The following PLPP1 variants were observed in gnomAD, a reference collection of about 807,000 sequenced individuals.
The protein encoded by PLPP1 is lipid phosphate phosphohydrolase 1a.
Under a neutral mutation model 31.2 loss-of-function variants are expected in PLPP1, and 24 were observed. That is an observed-to-expected ratio of 0.77 (90% CI 0.56 to 1.08). The LOEUF (loss-of-function observed/expected upper bound fraction) is 1.08. PLPP1 is among the 50% of genes least tolerant of loss of function. The pLI is 0.00. For missense variants in PLPP1, 319 were observed against 342.7 expected, an observed-to-expected ratio of 0.93 and a Z score of 0.55; for synonymous variants, 146 against 126.3, an observed-to-expected ratio of 1.16 and a Z score of -1.05.
At chr5:55,530,693 T>C (rs1280471631) in intron 1 of PLPP1, 21 of 1,585,684 alleles carry the variant, frequency 1.3e-5, no homozygotes, top group Non-Finnish European at 1.8e-5. Context: ...GTTCAGGGCA[T>C]GCTCTCTCTT....
intron 1 of PLPP1, among the ~76,000 whole-genome samples, chr5:55,495,097 C>T (rs879787106): frequency 4.1e-5 from 6 of 147,266 alleles, no homozygotes; most frequent in Non-Finnish European, 8.9e-5. Context: ...CGCCATTGCA[C>T]TCCAGCCTGG....
At chr5:55,457,878 GACT>G (rs1752056023) in intron 3 of PLPP1, among the ~76,000 whole-genome samples, 1 of 120,588 alleles carries the variant, frequency 8.3e-6, no homozygotes, top group South Asian at 3.3e-4. Context: ...GACACAGCGA[GACT>G]CTGTCTCAAA....
intron 3 of PLPP1, among the ~76,000 whole-genome samples, chr5:55,445,551 T>A (rs1751743771): frequency 7.2e-6 from 1 of 138,858 alleles, no homozygotes; most frequent in African/African-American, 2.7e-5. Flanking sequence ...TTTTTTTTTT[T>A]TTTTTTTTTT....
intron 4 of PLPP1, among the ~76,000 whole-genome samples, chr5:55,438,506 A>G (rs926363135): frequency 6.6e-6 from 1 of 152,120 alleles, no homozygotes; most frequent in South Asian, 2.1e-4. Context: ...TTAAATGACT[A>G]CGTCTCTACC....
At chr5:55,492,376 T>C (rs1752913948) in intron 1 of PLPP1, among the ~76,000 whole-genome samples, 1 of 152,172 alleles carries the variant, frequency 6.6e-6, no homozygotes, top group East Asian at 1.9e-4. Flanking sequence ...CCACAACTCT[T>C]TTATTGCATG....
intron 1 of PLPP1, among the ~76,000 whole-genome samples, chr5:55,529,564 C>A (rs1319996876): frequency 6.6e-6 from 1 of 152,062 alleles, no homozygotes; most frequent in Non-Finnish European, 1.5e-5. Flanking sequence ...AAGAAAATAT[C>A]TTTACAACAA....
At chr5:55,431,901 A>G (rs1751361961) in intron 4 of PLPP1, among the ~76,000 whole-genome samples, 2 of 152,144 alleles carry the variant, frequency 1.3e-5, no homozygotes, top group Non-Finnish European at 2.9e-5. Context: ...AACTGATAAC[A>G]CAGAAATACA....
chr5:55,487,837 A>T (rs1337771857), intron 1 of PLPP1, among the ~76,000 whole-genome samples: 1 of 152,208 alleles, frequency 6.6e-6, no homozygotes, highest in Non-Finnish European at 1.5e-5. Context: ...TTAAAAATAA[A>T]TTGGCATTAG....
intron 1 of PLPP1, among the ~76,000 whole-genome samples, chr5:55,482,670 A>G (rs546498432): frequency 6.6e-6 from 1 of 152,354 alleles, no homozygotes; most frequent in South Asian, 2.1e-4. Context: ...AAGGACAGCA[A>G]GAGAGATGTG....
At chr5:55,473,431 A>G (rs965608029) in intron 2 of PLPP1, among the ~76,000 whole-genome samples, 1 of 152,216 alleles carries the variant, frequency 6.6e-6, no homozygotes, top group Admixed American at 6.5e-5. Context: ...TATAAAACAA[A>G]TATCTATATA....
At chr5:55,439,077 C>T (rs558094868) in intron 4 of PLPP1, among the ~76,000 whole-genome samples, 18 of 152,148 alleles carry the variant, frequency 1.2e-4, no homozygotes, top group Non-Finnish European at 2.5e-4. Flanking sequence ...TCTTGGTCTA[C>T]AACAAATCTA....
intron 3 of PLPP1, among the ~76,000 whole-genome samples, chr5:55,458,686 G>A (rs1244852936): frequency 4.0e-5 from 6 of 151,690 alleles, no homozygotes; most frequent in East Asian, 1.9e-4. Flanking sequence ...TCAGGAGTTC[G>A]GGACCACACT....
At chr5:55,511,270 AC>A (rs1466160752) in intron 1 of PLPP1, among the ~76,000 whole-genome samples, 1 of 152,192 alleles carries the variant, frequency 6.6e-6, no homozygotes, top group African/African-American at 2.4e-5. Context: ...GAGATGGACA[AC>A]CCAAGGTTTG....
chr5:55,427,132 CAA>C (rs2111654881), intron 4 of PLPP1, among the ~76,000 whole-genome samples: 1 of 151,550 alleles, frequency 6.6e-6, no homozygotes, highest in East Asian at 1.9e-4. Context: ...TATCCAATAA[CAA>C]TATAATTTAT....
At chr5:55,471,116 C>T (rs1350405554) in intron 2 of PLPP1, among the ~76,000 whole-genome samples, 1 of 152,174 alleles carries the variant, frequency 6.6e-6, no homozygotes, top group African/African-American at 2.4e-5. Flanking sequence ...GCATCTTCTT[C>T]TCCCTCCTAA....
At chr5:55,470,831 A>G (rs1752398743) in intron 2 of PLPP1, among the ~76,000 whole-genome samples, 4 of 152,158 alleles carry the variant, frequency 2.6e-5, no homozygotes, top group African/African-American at 9.7e-5. Flanking sequence ...ATAATGCATT[A>G]TTTACTTAGA....
chr5:55,532,317 T>C (rs1237040011), intron 1 of PLPP1, among the ~76,000 whole-genome samples: 2 of 152,232 alleles, frequency 1.3e-5, no homozygotes, highest in Non-Finnish European at 2.9e-5. Context: ...TCAGCCATTC[T>C]AATCACTGTT....
chr5:55,480,877 T>C (rs1752654897), intron 1 of PLPP1, among the ~76,000 whole-genome samples: 1 of 152,212 alleles, frequency 6.6e-6, no homozygotes, highest in Non-Finnish European at 1.5e-5. Context: ...TTTTCCAAAG[T>C]TGTTGCACCC....
At chr5:55,485,247 T>A (rs1159774118) in intron 1 of PLPP1, among the ~76,000 whole-genome samples, 2 of 152,136 alleles carry the variant, frequency 1.3e-5, no homozygotes, top group African/African-American at 4.8e-5. Context: ...TGGAGTCTCA[T>A]GCTAACTCCA....
Sources: gnomAD v4.1 joint callset for allele counts (sites outside exome capture counted in the v4.1 genomes callset) on GRCh38, gnomAD v4.1.1 for gene constraint, MANE v1.5 for transcripts, NCBI Gene and HGNC (gene_info 2026-07-23, HGNC 2026-07-21) for gene names.